Variants in RNF180 observed in about 807,000 individuals in gnomAD.
The protein encoded by RNF180 is ring finger protein 180, also known as E3 ubiquitin-protein ligase RNF180.
In RNF180, 38 loss-of-function variants were observed where a neutral mutation model predicts 59.2. The ratio of observed to expected loss-of-function variants is 0.64; its 90% CI spans 0.50 to 0.84. RNF180 has a LOEUF of 0.84. RNF180 is among the 40% of genes least tolerant of loss of function. The pLI, the probability that RNF180 is intolerant of heterozygous loss-of-function variation, is 0.00. For synonymous variants in RNF180, 262 were observed against 240.3 expected, an observed-to-expected ratio of 1.09 and a Z score of -0.84; for missense variants, 705 against 700.9, an observed-to-expected ratio of 1.01 and a Z score of -0.07.
At chr5:64,239,742 A>G (rs1419716678) in intron 5 of RNF180, among the ~76,000 whole-genome samples, 1 of 152,148 alleles carries the variant, frequency 6.6e-6, no homozygotes, top group Non-Finnish European at 1.5e-5. Context: ...CTCCTTGGAT[A>G]TAAATAACGA....
chr5:64,244,039 G>A (rs1742994795), intron 5 of RNF180, among the ~76,000 whole-genome samples: 1 of 152,160 alleles, frequency 6.6e-6, no homozygotes, highest in African/African-American at 2.4e-5. Flanking sequence ...GACAGGAACA[G>A]CATCAACATC....
chr5:64,238,745 A>C (rs1742601377), intron 5 of RNF180, among the ~76,000 whole-genome samples: 1 of 152,142 alleles, frequency 6.6e-6, no homozygotes, highest in Non-Finnish European at 1.5e-5. Context: ...CCCTTATCAG[A>C]GATATGGTTT....
intron 7 of RNF180, among the ~76,000 whole-genome samples, chr5:64,364,476 G>A (rs750866365): frequency 2.6e-5 from 4 of 151,786 alleles, no homozygotes; most frequent in Non-Finnish European, 5.9e-5. Context: ...CAATTTGCCA[G>A]TATTATGTTG....
chr5:64,207,395 G>C (rs1360451357), intron 2 of RNF180, among the ~76,000 whole-genome samples: 1 of 152,094 alleles, frequency 6.6e-6, no homozygotes, highest in Admixed American at 6.6e-5. Context: ...TTCAGGACCA[G>C]CGTGTTCAAA....
intron 6 of RNF180, among the ~76,000 whole-genome samples, chr5:64,329,230 C>T (rs1744784068): frequency 6.6e-6 from 1 of 152,132 alleles, no homozygotes; most frequent in Non-Finnish European, 1.5e-5. Flanking sequence ...CACTCCTGAG[C>T]TCAGATTACA....
intron 1 of RNF180, among the ~76,000 whole-genome samples, chr5:64,178,377 G>C (rs1750375935): frequency 6.6e-6 from 1 of 152,130 alleles, no homozygotes; most frequent in Non-Finnish European, 1.5e-5. Flanking sequence ...AAAGGCAAGA[G>C]AGCCTTGATG....
At chr5:64,363,400 T>A (rs1283070139) in intron 7 of RNF180, among the ~76,000 whole-genome samples, 2 of 151,844 alleles carry the variant, frequency 1.3e-5, no homozygotes, top group African/African-American at 4.8e-5. Flanking sequence ...ATAAGATGGT[T>A]GTAGATGTGT....
intron 5 of RNF180, among the ~76,000 whole-genome samples, chr5:64,315,348 C>T (rs1358554021): frequency 6.6e-6 from 1 of 152,076 alleles, no homozygotes; most frequent in African/African-American, 2.4e-5. Flanking sequence ...AAAATGTCTA[C>T]CAAATAACCA....
intron 5 of RNF180, among the ~76,000 whole-genome samples, chr5:64,231,012 A>T (rs1255230022): frequency 6.6e-6 from 1 of 152,214 alleles, no homozygotes; most frequent in East Asian, 1.9e-4. Context: ...TTAAGTTTAG[A>T]TGGCAGAGCT....
At chr5:64,261,949 A>G (rs1471510909) in intron 5 of RNF180, among the ~76,000 whole-genome samples, 1 of 152,188 alleles carries the variant, frequency 6.6e-6, no homozygotes, top group Admixed American at 6.6e-5. Flanking sequence ...TTAGGAGTTA[A>G]TACAAGTTCA....
At chr5:64,341,698 A>G (rs1333553918) in intron 7 of RNF180, among the ~76,000 whole-genome samples, 2 of 151,998 alleles carry the variant, frequency 1.3e-5, no homozygotes, top group African/African-American at 4.8e-5. Flanking sequence ...AGAGTAGAGT[A>G]CTCTTGGGGG....
At chr5:64,258,669 T>C (rs1418931526) in intron 5 of RNF180, among the ~76,000 whole-genome samples, 2 of 152,146 alleles carry the variant, frequency 1.3e-5, no homozygotes, top group African/African-American at 4.8e-5. Flanking sequence ...TAGGTAGATA[T>C]ATTGAACAGT....
At chr5:64,238,686 T>C (rs1254091124) in intron 5 of RNF180, among the ~76,000 whole-genome samples, 2 of 152,198 alleles carry the variant, frequency 1.3e-5, no homozygotes, top group Admixed American at 6.5e-5. Context: ...AATTGGGTTA[T>C]TTTTTACTAC....
chr5:64,172,573 G>T (rs1233458639), intron 1 of RNF180, among the ~76,000 whole-genome samples: 1 of 152,218 alleles, frequency 6.6e-6, no homozygotes, highest in African/African-American at 2.4e-5. Flanking sequence ...TTGGATACTT[G>T]CAGCACTTAG....
At chr5:64,280,940 A>T (rs1741978813) in intron 5 of RNF180, among the ~76,000 whole-genome samples, 1 of 152,144 alleles carries the variant, frequency 6.6e-6, no homozygotes, top group South Asian at 2.1e-4. Context: ...GTCCATGAGC[A>T]TGGGATGTTT....
intron 5 of RNF180, among the ~76,000 whole-genome samples, chr5:64,313,414 T>C (rs1250655768): frequency 6.6e-6 from 1 of 152,256 alleles, no homozygotes; most frequent in Admixed American, 6.5e-5. Flanking sequence ...TGGTATCTCA[T>C]TTTCTGTTCT....
At chr5:64,302,669 A>G (rs1239351886) in intron 5 of RNF180, among the ~76,000 whole-genome samples, 1 of 151,590 alleles carries the variant, frequency 6.6e-6, no homozygotes, top group Admixed American at 6.6e-5. Context: ...TATTTTGAAG[A>G]TAGTTATTTT....
At chr5:64,299,108 C>A (rs762512056) in intron 5 of RNF180, among the ~76,000 whole-genome samples, 4 of 151,918 alleles carry the variant, frequency 2.6e-5, no homozygotes, top group Non-Finnish European at 5.9e-5. Context: ...TTGTCCTTTG[C>A]GCCATGCGAG....
upstream of RNF180, among the ~76,000 whole-genome samples, chr5:64,165,416 C>T (rs188626543): frequency 6.6e-6 from 1 of 152,286 alleles, no homozygotes; most frequent in Non-Finnish European, 1.5e-5. Flanking sequence ...GAAGGGAAAA[C>T]TAAACCCAGG....
Sources: gnomAD v4.1 joint callset for allele counts (sites outside exome capture counted in the v4.1 genomes callset) on GRCh38, gnomAD v4.1.1 for gene constraint, MANE v1.5 for transcripts, NCBI Gene and HGNC (gene_info 2026-07-23, HGNC 2026-07-21) for gene names.